Variants in ST3GAL3 observed in about 807,000 individuals in gnomAD.
The protein encoded by ST3GAL3 is ST3 beta-galactoside alpha-2,3-sialyltransferase 3.
In ST3GAL3, 21 loss-of-function variants were observed where a neutral mutation model predicts 50.1. The observed-to-expected ratio is 0.42, with a 90% CI of 0.30 to 0.60. The LOEUF (loss-of-function observed/expected upper bound fraction) is 0.60. Among genes scored for constraint, ST3GAL3 ranks in the 20% least tolerant of loss-of-function variants. The pLI is 0.19. For synonymous variants in ST3GAL3, 183 were observed against 190.0 expected, an observed-to-expected ratio of 0.96 and a Z score of 0.30; for missense variants, 353 against 489.4, an observed-to-expected ratio of 0.72 and a Z score of 2.63.
chr1:43,784,234 C>T lies in ST3GAL3; in HGVS notation c.119-7868C>T, dbSNP rs575073800. ...CCTTGCATCTAAACGACAGGCCAGG[C>T]GTGGTGGCTCGTGCCTGTAATCCCA... On this transcript the variant is annotated intron_variant, in intron 2 of 11. Transcript: ENST00000347631. Among the ~76,000 whole-genome samples the T allele has an allele frequency of 1.8e-4, 28 of 152,206 alleles. No individual in the cohort carries two copies. In the South Asian group the frequency reaches 5.4e-3, roughly 29 times the overall value.
intron 2 of ST3GAL3, among the ~76,000 whole-genome samples, chr1:43,743,063 C>T (rs1261425582): frequency 1.3e-5 from 2 of 148,966 alleles, no homozygotes; most frequent in Non-Finnish European, 3.0e-5. Context: ...GCACTGCAGC[C>T]TGGTGACAGA....
intron 5 of ST3GAL3, chr1:43,850,915 T>C: frequency 8.2e-7 from 1 of 1,221,078 alleles, no homozygotes; most frequent in Non-Finnish European, 1.2e-6. Flanking sequence ...TTGCCAGTCT[T>C]GGGATCCATA....
At chr1:43,912,526 A>T (rs78050663) in intron 9 of ST3GAL3, 7,863 of 152,296 alleles carry the variant, frequency 0.052, 285 homozygotes, top group Non-Finnish European at 0.072. Context: ...GAATAAACTG[A>T]AGGGAAAGCA....
At chr1:43,795,630 T>C (rs538859313) in intron 3 of ST3GAL3, among the ~76,000 whole-genome samples, 7 of 152,344 alleles carry the variant, frequency 4.6e-5, no homozygotes, top group African/African-American at 1.4e-4. Flanking sequence ...TTTAGAACTT[T>C]AGCAGGATAA....
chr1:43,859,449 C>T (rs2069339153), intron 5 of ST3GAL3, among the ~76,000 whole-genome samples: 1 of 152,102 alleles, frequency 6.6e-6, no homozygotes, highest in Non-Finnish European at 1.5e-5. Context: ...ATCCCAGCTA[C>T]TCAGGAGGCT....
intron 9 of ST3GAL3, chr1:43,920,026 C>T: frequency 2.8e-6 from 1 of 358,316 alleles, no homozygotes. Context: ...CAGGCACCTC[C>T]CAGCCCCTCA....
At chr1:43,925,295 T>TAAAAAAAA (rs2083718106) in intron 11 of ST3GAL3, among the ~76,000 whole-genome samples, 2 of 14,984 alleles carry the variant, frequency 1.3e-4, no homozygotes, top group Admixed American at 1.4e-3. Context: ...AGACTGTGTC[T>TAAAAAAAA]CAAAAAAAAA....
chr1:43,854,156 C>T (rs1490525339), intron 5 of ST3GAL3, among the ~76,000 whole-genome samples: 5 of 152,180 alleles, frequency 3.3e-5, no homozygotes, highest in African/African-American at 1.2e-4. Flanking sequence ...TCTGCAGAAT[C>T]GTTGTCCTTC....
At chr1:43,908,697 G>A (rs1442455861) in intron 9 of ST3GAL3, among the ~76,000 whole-genome samples, 1 of 150,080 alleles carries the variant, frequency 6.7e-6, no homozygotes, top group East Asian at 2.0e-4. Flanking sequence ...CACAATCTCA[G>A]CTCGCTGAAA....
At chr1:43,735,200 G>T (rs1677865292) in intron 1 of ST3GAL3, among the ~76,000 whole-genome samples, 1 of 152,134 alleles carries the variant, frequency 6.6e-6, no homozygotes, top group Admixed American at 6.5e-5. Flanking sequence ...AGGCAGAATG[G>T]CTCTTTAAAG....
intron 2 of ST3GAL3, among the ~76,000 whole-genome samples, chr1:43,781,881 A>T (rs141684221): frequency 3.9e-5 from 6 of 152,300 alleles, no homozygotes; most frequent in Admixed American, 3.3e-4. Flanking sequence ...TCCCATCCCT[A>T]TACCAAACCA....
chr1:43,911,617 ATATATCTATAGATATC>A (rs1015382608), intron 9 of ST3GAL3, among the ~76,000 whole-genome samples: 3 of 134,556 alleles, frequency 2.2e-5, no homozygotes, highest in Non-Finnish European at 4.9e-5. Context: ...ATATCTACAG[ATATATCTATAGATATC>A]TATATCTATA....
At chr1:43,928,343 G>A (rs563521500) in intron 11 of ST3GAL3, among the ~76,000 whole-genome samples, 3 of 152,266 alleles carry the variant, frequency 2.0e-5, no homozygotes, top group Admixed American at 2.0e-4. Context: ...GCTCACACCT[G>A]TAATCCCAAC....
intron 1 of ST3GAL3, among the ~76,000 whole-genome samples, chr1:43,718,666 CCTT>C (rs1315544472): frequency 3.7e-5 from 5 of 135,552 alleles, no homozygotes; most frequent in South Asian, 2.6e-4. Flanking sequence ...GTGTTTTTAT[CCTT>C]CTGCTACATC....
chr1:43,851,305 A>G (rs1574240494), intron 5 of ST3GAL3: 4 of 1,541,692 alleles, frequency 2.6e-6, no homozygotes, highest in Non-Finnish European at 3.6e-6. Context: ...GGTGACCCCC[A>G]TCTGGCAGGT....
At chr1:43,836,148 C>T (rs12046114) in intron 4 of ST3GAL3, among the ~76,000 whole-genome samples, 28,970 of 152,206 alleles carry the variant, frequency 0.19, 3,417 homozygotes, top group African/African-American at 0.31. Context: ...TAACTGAAAA[C>T]ATCTAGAACG....
chr1:43,788,352 T>A (rs1467610283), intron 2 of ST3GAL3, among the ~76,000 whole-genome samples: 2 of 152,236 alleles, frequency 1.3e-5, no homozygotes, highest in East Asian at 3.8e-4. Flanking sequence ...TTTGAAGTGC[T>A]TGTTTTTATT....
rs547363327 is a variant in ST3GAL3, at chr1:43,920,152, C to T, written c.745-252C>T. On this transcript the variant is annotated intron_variant, in intron 9 of 11. Coordinates refer to ENST00000347631, the MANE Select transcript of ST3GAL3 (RefSeq NM_006279.5). Reference sequence around the variant, plus strand: ...CATCCCACATCCTGTGCCTGCCCGACGACTCCCTTCGTATCCTCCTCTGTT... The same window carrying T: ...CATCCCACATCCTGTGCCTGCCCGATGACTCCCTTCGTATCCTCCTCTGTT... The T allele has an allele frequency of 2.8e-3, 1,505 of 541,012 alleles. 1 individual carries two copies. Among genetic ancestry groups the T allele is most frequent in the Admixed American group, 5.0e-3 (165 of 33,310 alleles). The allele number at this position is 541,012 out of a possible 1,614,324, so 33.5% of individuals were successfully genotyped here. A position where few individuals can be genotyped will look rare whatever the true frequency, so the allele number is the denominator to read the frequency against.
intron 9 of ST3GAL3, among the ~76,000 whole-genome samples, chr1:43,908,170 C>G (rs2080139938): frequency 6.6e-6 from 1 of 152,234 alleles, no homozygotes; most frequent in Non-Finnish European, 1.5e-5. Context: ...CCATATTCGA[C>G]TCTTCAGTCT....
Sources: gnomAD v4.1 joint callset for allele counts (sites outside exome capture counted in the v4.1 genomes callset) on GRCh38, gnomAD v4.1.1 for gene constraint, MANE v1.5 for transcripts, NCBI Gene and HGNC (gene_info 2026-07-23, HGNC 2026-07-21) for gene names.